RBMS3: variants seen among roughly 807,000 people sequenced by gnomAD.
RBMS3 encodes RNA-binding motif, single-stranded-interacting protein 3.
RBMS3 carries 27 observed loss-of-function variants against 66.8 expected under a neutral mutation model. That is an observed-to-expected ratio of 0.40 (90% confidence interval 0.30 to 0.56). RBMS3 has a LOEUF of 0.56. Among genes scored for constraint, RBMS3 ranks in the 20% least tolerant of loss-of-function variants. The probability of loss-of-function intolerance (pLI) is 0.40; values close to 1 mark genes in which losing one functional copy is unlikely to be tolerated. For missense variants in RBMS3, 513 were observed against 549.5 expected, an observed-to-expected ratio of 0.93 and a Z score of 0.66; for synonymous variants, 188 against 183.0, an observed-to-expected ratio of 1.03 and a Z score of -0.22.
intron 12 of RBMS3, among the ~76,000 whole-genome samples, chr3:29,983,432 T>G (rs1186302351): frequency 6.6e-6 from 1 of 152,204 alleles, no homozygotes; most frequent in Non-Finnish European, 1.5e-5. Flanking sequence ...TTAATATGGT[T>G]ATGTGTGAAT....
intron 2 of RBMS3, among the ~76,000 whole-genome samples, chr3:29,457,169 T>A (rs1340072122): frequency 6.6e-6 from 1 of 152,146 alleles, no homozygotes; most frequent in East Asian, 1.9e-4. Context: ...TCCCTTCTTC[T>A]CCACCTCCAT....
chr3:29,692,627 T>A (rs1188458988), intron 4 of RBMS3, among the ~76,000 whole-genome samples: 1 of 152,170 alleles, frequency 6.6e-6, no homozygotes. Flanking sequence ...CATCATTTTC[T>A]CAGATTCCCT....
chr3:29,753,797 C>G (rs2055289006), intron 5 of RBMS3, among the ~76,000 whole-genome samples: 1 of 152,022 alleles, frequency 6.6e-6, no homozygotes, highest in Non-Finnish European at 1.5e-5. Flanking sequence ...TTTGGTCACC[C>G]AAGAAGAATG....
chr3:29,359,405 T>C (rs202005419), intron 1 of RBMS3, among the ~76,000 whole-genome samples: 2 of 152,042 alleles, frequency 1.3e-5, no homozygotes, highest in African/African-American at 2.4e-5. Context: ...GCCCACTTGA[T>C]CATGGTGGAT....
intron 1 of RBMS3, among the ~76,000 whole-genome samples, chr3:29,377,861 T>C (rs1192842681): frequency 1.3e-5 from 2 of 152,202 alleles, no homozygotes; most frequent in African/African-American, 2.4e-5. Flanking sequence ...TGCAAAAAAG[T>C]GATTGTTGTC....
At chr3:29,537,832 AAAAAAAAG>A (rs2045627894) in intron 3 of RBMS3, among the ~76,000 whole-genome samples, 1 of 151,356 alleles carries the variant, frequency 6.6e-6, no homozygotes. Flanking sequence ...CAAAAAAAAA[AAAAAAAAG>A]AAAGAAAGAA....
intron 4 of RBMS3, among the ~76,000 whole-genome samples, chr3:29,701,644 G>A (rs944861828): frequency 2.6e-5 from 4 of 152,114 alleles, no homozygotes; most frequent in Admixed American, 1.3e-4. Flanking sequence ...CTGGGTGGGC[G>A]TGGGCTGGGC....
rs182424464 is a variant in RBMS3, at chr3:29,538,217, T to A, written c.308-48897T>A. Among the ~76,000 whole-genome samples, 289 of 152,310 alleles carry A rather than the reference T, an allele frequency of 1.9e-3. 2 individuals carry two copies. The highest frequency in any genetic ancestry group is 6.8e-3 in the African/African-American group (281 of 41,568). ...AGAAGATAATCAAATACTGGAACAT[T>A]TATGGTGCTATCAAGCACATAAACA... On this transcript the variant is annotated intron_variant, in intron 3 of 14. Transcript: ENST00000383767.
At chr3:29,730,814 A>G (rs1203396987) in intron 4 of RBMS3, 5 of 923,662 alleles carry the variant, frequency 5.4e-6, no homozygotes, top group Non-Finnish European at 5.2e-6. Context: ...TATATTTGTG[A>G]TATGGTAATA....
intron 1 of RBMS3, among the ~76,000 whole-genome samples, chr3:29,288,666 A>G (rs1390091003): frequency 2.0e-5 from 3 of 152,056 alleles, no homozygotes; most frequent in Admixed American, 6.6e-5. Flanking sequence ...GAATTGCCAC[A>G]TTAAAATACT....
intron 7 of RBMS3, chr3:29,880,778 G>A: frequency 6.5e-7 from 1 of 1,535,924 alleles, no homozygotes; most frequent in Admixed American, 2.0e-5. Flanking sequence ...TCTTGCCAAA[G>A]GTACTCAGAG....
intron 3 of RBMS3, among the ~76,000 whole-genome samples, chr3:29,531,113 C>T (rs1360180036): frequency 6.6e-6 from 1 of 152,156 alleles, no homozygotes; most frequent in Non-Finnish European, 1.5e-5. Context: ...TCCCCGAGGA[C>T]AGTTTCATCC....
At chr3:29,538,903 T>C (rs2045665122) in intron 3 of RBMS3, among the ~76,000 whole-genome samples, 1 of 152,180 alleles carries the variant, frequency 6.6e-6, no homozygotes, top group Non-Finnish European at 1.5e-5. Flanking sequence ...GTTATTAAGA[T>C]TACATGATAA....
chr3:29,885,886 T>C (rs896666038), intron 8 of RBMS3, among the ~76,000 whole-genome samples: 2 of 151,862 alleles, frequency 1.3e-5, no homozygotes, highest in Non-Finnish European at 2.9e-5. Flanking sequence ...TGCCAAGGAT[T>C]GGGGATGCAG....
chr3:29,507,986 A>G (rs1405934038), intron 3 of RBMS3, among the ~76,000 whole-genome samples: 1 of 152,172 alleles, frequency 6.6e-6, no homozygotes, highest in Non-Finnish European at 1.5e-5. Flanking sequence ...CATTTTTTCA[A>G]TAATGAGAAA....
At chr3:29,609,673 T>G (rs1258956393) in intron 4 of RBMS3, among the ~76,000 whole-genome samples, 1 of 152,062 alleles carries the variant, frequency 6.6e-6, no homozygotes, top group African/African-American at 2.4e-5. Flanking sequence ...GCAAAAGGCC[T>G]GATACATGGT....
At chr3:29,565,707 C>G (rs2046718284) in intron 3 of RBMS3, among the ~76,000 whole-genome samples, 1 of 152,144 alleles carries the variant, frequency 6.6e-6, no homozygotes. Context: ...CACCAAAACA[C>G]TAGATATCCT....
At chr3:29,493,811 AAAT>A (rs1478469101) in intron 3 of RBMS3, among the ~76,000 whole-genome samples, 1 of 152,222 alleles carries the variant, frequency 6.6e-6, no homozygotes, top group African/African-American at 2.4e-5. Flanking sequence ...TTGCTTTTTA[AAAT>A]AATAGGCAGA....
At chr3:29,407,453 T>A (rs1366941925) in intron 1 of RBMS3, among the ~76,000 whole-genome samples, 1 of 152,214 alleles carries the variant, frequency 6.6e-6, no homozygotes, top group African/African-American at 2.4e-5. Context: ...AATCTACTCA[T>A]GATAATTTGG....
Sources: allele counts gnomAD v4.1 joint callset (sites outside exome capture counted in the v4.1 genomes callset), GRCh38; gene constraint gnomAD v4.1.1; transcripts MANE v1.5; gene names NCBI Gene and HGNC (gene_info 2026-07-23, HGNC 2026-07-21).